Variants in IMPG1 observed in about 807,000 individuals in gnomAD.
The protein encoded by IMPG1 is interphotoreceptor matrix proteoglycan of 150 kDa.
Under a neutral mutation model 92.0 loss-of-function variants are expected in IMPG1, and 85 were observed. That is an observed-to-expected ratio of 0.92 (90% CI 0.78 to 1.11). The LOEUF (loss-of-function observed/expected upper bound fraction) is 1.11, where lower values mean the gene tolerates loss of function less well. IMPG1 is among the 50% of genes least tolerant of loss of function. The pLI, the probability that IMPG1 is intolerant of heterozygous loss-of-function variation, is 0.00. For synonymous variants in IMPG1, 367 were observed against 334.1 expected (o/e 1.10, Z -1.08); for missense variants, 1,022 against 956.0 (o/e 1.07, Z -0.91).
chr6:76,000,582 G>T (rs1365288894), intron 12 of IMPG1, among the ~76,000 whole-genome samples: 1 of 152,304 alleles, frequency 6.6e-6, no homozygotes, highest in African/African-American at 2.4e-5. Context: ...GTAGTAGGTA[G>T]GGTATATGAG....
chr6:75,924,332 G>A (rs1781482769), intron 15 of IMPG1, among the ~76,000 whole-genome samples: 1 of 140,152 alleles, frequency 7.1e-6, no homozygotes. Flanking sequence ...TCAAGATTTG[G>A]AGTCAACCTG....
intron 4 of IMPG1, among the ~76,000 whole-genome samples, chr6:76,030,867 C>G (rs748454415): frequency 2.0e-4 from 31 of 152,072 alleles, no homozygotes; most frequent in Non-Finnish European, 3.5e-4. Flanking sequence ...GGAGGGGGTC[C>G]CTGGAAAAAC....
intron 1 of IMPG1, among the ~76,000 whole-genome samples, chr6:76,067,411 C>T (rs1784328400): frequency 6.6e-6 from 1 of 152,102 alleles, no homozygotes; most frequent in Admixed American, 6.6e-5. Flanking sequence ...GTGAGCATCT[C>T]TACCCTCACA....
chr6:76,036,852 C>A (rs1562379123), intron 2 of IMPG1, among the ~76,000 whole-genome samples: 2 of 22,774 alleles, frequency 8.8e-5, no homozygotes, highest in Non-Finnish European at 1.2e-4. Flanking sequence ...TTTTAAATAT[C>A]AATATTTACA....
rs752634664 is a variant in IMPG1 at position 75,951,082 on chromosome 6, G to A, written c.1304C>T (p.Ser435Phe). The A allele has an allele frequency of 6.2e-7, 1 of 1,606,694 alleles. No individual in the cohort carries two copies. Among genetic ancestry groups the A allele is most frequent in the Non-Finnish European group, 8.5e-7 (1 of 1,176,032 alleles). Residue 435 changes from serine to phenylalanine, a missense_variant, in exon 13 of 17, where the codon TCT (serine) becomes TTT (phenylalanine). This residue lies in a region of IMPG1 where 681 missense variants were observed against 583.6 expected (regional missense o/e 1.17). Coordinates refer to ENST00000369950, the MANE Select transcript of IMPG1 (RefSeq NM_001563.4). ...AEHGLPDTSWSPPAMASTSLS... is the reference protein window; with the variant it reads ...AEHGLPDTSWFPPAMASTSLS... ...GGAGGTAGAGGCCATAGCAGGTGGA[G>A]ACCAAGAAGTGTCTGTGGAGGAAGT... is the stretch of plus-strand genomic sequence containing the variant.
chr6:75,993,561 C>T (rs1484607229), intron 12 of IMPG1, among the ~76,000 whole-genome samples: 2 of 152,070 alleles, frequency 1.3e-5, no homozygotes, highest in East Asian at 3.9e-4. Context: ...TCTTTTGTCT[C>T]TTCTTATAAG....
chr6:76,015,698 G>T (rs1354766123), intron 7 of IMPG1, among the ~76,000 whole-genome samples: 1 of 151,122 alleles, frequency 6.6e-6, no homozygotes, highest in Non-Finnish European at 1.5e-5. Flanking sequence ...TACTTGGGAG[G>T]CTGAGGCAGG....
intron 12 of IMPG1, among the ~76,000 whole-genome samples, chr6:75,989,456 T>A (rs973016740): frequency 2.6e-5 from 4 of 152,220 alleles, no homozygotes; most frequent in Non-Finnish European, 5.9e-5. Context: ...CAAACTCTCA[T>A]GAAAAGCCCT....
chr6:76,017,841 C>T (rs1395122561), intron 7 of IMPG1, among the ~76,000 whole-genome samples: 2 of 152,160 alleles, frequency 1.3e-5, no homozygotes, highest in East Asian at 1.9e-4. Context: ...CCACCTCTGC[C>T]CCCCGGGTTC....
chr6:75,929,545 G>A (rs1428755584), intron 15 of IMPG1, among the ~76,000 whole-genome samples: 4 of 118,192 alleles, frequency 3.4e-5, no homozygotes, highest in South Asian at 3.0e-4. Context: ...ACAGGGGACT[G>A]TTGTGGGGTG....
At chr6:75,981,672 A>G (rs1296508199) in intron 12 of IMPG1, among the ~76,000 whole-genome samples, 1 of 152,228 alleles carries the variant, frequency 6.6e-6, no homozygotes, top group African/African-American at 2.4e-5. Context: ...ACTTCAAATA[A>G]TCACTTCCTG....
At chr6:75,957,594 G>A (rs1408744265) in intron 12 of IMPG1, among the ~76,000 whole-genome samples, 1 of 152,130 alleles carries the variant, frequency 6.6e-6, no homozygotes, top group African/African-American at 2.4e-5. Flanking sequence ...TTGCTCCTAT[G>A]TTGGGTGCAT....
At chr6:76,006,250 A>G (rs534283277) in intron 9 of IMPG1, among the ~76,000 whole-genome samples, 10 of 151,622 alleles carry the variant, frequency 6.6e-5, no homozygotes, top group Middle Eastern at 3.5e-3. Context: ...TTCTTCTACA[A>G]ATAGCCTCCT....
intron 1 of IMPG1, 36 bp downstream of exon 1, chr6:76,072,386 A>G (rs1431843643): frequency 2.6e-6 from 3 of 1,140,060 alleles, no homozygotes; most frequent in Non-Finnish European, 3.9e-6. Context: ...GATTTTATAG[A>G]TAAGCAATTT....
At chr6:75,948,093 C>T (rs1223882759) in intron 13 of IMPG1, among the ~76,000 whole-genome samples, 1 of 152,154 alleles carries the variant, frequency 6.6e-6, no homozygotes, top group Non-Finnish European at 1.5e-5. Context: ...GACTTGGGTG[C>T]CAGTCCTAGA....
intron 12 of IMPG1, among the ~76,000 whole-genome samples, chr6:75,973,249 G>A (rs1003172166): frequency 2.6e-5 from 4 of 152,102 alleles, no homozygotes; most frequent in African/African-American, 9.7e-5. Context: ...CAAAGTGTCC[G>A]GATTACAGGC....
intron 14 of IMPG1, among the ~76,000 whole-genome samples, chr6:75,933,630 C>T (rs1241769533): frequency 6.6e-6 from 1 of 152,176 alleles, no homozygotes; most frequent in Non-Finnish European, 1.5e-5. Context: ...TCCAGCCTGG[C>T]CAGAGGTCCG....
chr6:76,072,494 C>A lies in IMPG1; in HGVS notation c.-6G>T. On this transcript the variant is annotated 5_prime_UTR_variant, in exon 1 of 17. Coordinates refer to ENST00000369950, the MANE Select transcript of IMPG1 (RefSeq NM_001563.4). ...CTTCTAGTTTCCAAATACATTCTGG[C>A]TTTTGTGCATTGGTAATTCTGATAA... 1.3e-6 allele frequency: 2 copies of A among 1,576,306 alleles called. No individual in the cohort carries two copies. Among genetic ancestry groups the A allele is most frequent in the Admixed American group, 1.7e-5 (1 of 57,208 alleles).
At chr6:75,988,667 A>C (rs1005942630) in intron 12 of IMPG1, among the ~76,000 whole-genome samples, 3 of 152,214 alleles carry the variant, frequency 2.0e-5, no homozygotes, top group Admixed American at 6.5e-5. Flanking sequence ...GCTTTGTCCA[A>C]CTTAAAAGAT....
Sources: gnomAD v4.1 joint callset for allele counts (sites outside exome capture counted in the v4.1 genomes callset) on GRCh38, gnomAD v4.1.1 for gene constraint, gnomAD v4.1.1 regional missense constraint, MANE v1.5 for transcripts, NCBI Gene and HGNC (gene_info 2026-07-23, HGNC 2026-07-21) for gene names.